Variants in DLGAP2 observed in about 807,000 individuals in gnomAD.
DLGAP2 encodes the protein DLG associated protein 2.
A neutral mutation model predicts 100.3 loss-of-function variants in DLGAP2; 26 were observed. The observed-to-expected ratio is 0.26, with a 90% CI of 0.19 to 0.36. DLGAP2 has a LOEUF of 0.36. DLGAP2 is among the 10% of genes least tolerant of loss of function. The probability of loss-of-function intolerance (pLI) is 1.00; values close to 1 mark genes in which losing one functional copy is unlikely to be tolerated. For missense variants in DLGAP2, 1,858 were observed against 1,453.2 expected (o/e 1.28, Z -4.53); for synonymous variants, 886 against 630.1 (o/e 1.41, Z -6.08).
chr8:1,645,946 G>A lies in DLGAP2; in HGVS notation c.1810+12900G>A, dbSNP rs548025908. ...GCCTTGTCTTTCCCGTTCAGTTTGC[G>A]AATGGTTAGGTGATGTTTGCCATTG... On this transcript the variant is annotated intron_variant, in intron 8 of 14. Transcript: ENST00000637795. 1.5e-3 allele frequency among the ~76,000 whole-genome samples: 225 copies of A among 152,286 alleles called. 1 individual carries two copies. The highest frequency in any genetic ancestry group is 4.9e-3 in the African/African-American group (204 of 41,568).
chr8:1,298,371 C>T (rs977952505), intron 3 of DLGAP2, among the ~76,000 whole-genome samples: 31 of 152,308 alleles, frequency 2.0e-4, no homozygotes, highest in African/African-American at 4.8e-4. Context: ...ATGATGGCCC[C>T]GCACCTGGCA....
intron 2 of DLGAP2, among the ~76,000 whole-genome samples, chr8:1,179,835 C>T (rs559570413): frequency 1.3e-5 from 2 of 152,028 alleles, no homozygotes; most frequent in Non-Finnish European, 2.9e-5. Context: ...CCAGTGATTG[C>T]TAAGAATAGA....
intron 2 of DLGAP2, among the ~76,000 whole-genome samples, chr8:985,844 A>G (rs1402866027): frequency 6.6e-6 from 1 of 152,148 alleles, no homozygotes; most frequent in Non-Finnish European, 1.5e-5. Context: ...CAGGCACAGG[A>G]GCTGCCCATT....
At chr8:1,309,399 A>T (rs57053327) in intron 3 of DLGAP2, among the ~76,000 whole-genome samples, 1,918 of 152,298 alleles carry the variant, frequency 0.013, 49 homozygotes, top group African/African-American at 0.044. Context: ...ATTTTCCAGA[A>T]AAAGCTTATC....
intron 2 of DLGAP2, among the ~76,000 whole-genome samples, chr8:1,089,587 G>A (rs1804104254): frequency 6.6e-6 from 1 of 152,226 alleles, no homozygotes; most frequent in Non-Finnish European, 1.5e-5. Context: ...GAGGCCCACT[G>A]CTCAGAGTTG....
chr8:1,534,306 T>A (rs1480085080), intron 4 of DLGAP2, among the ~76,000 whole-genome samples: 1 of 152,224 alleles, frequency 6.6e-6, no homozygotes, highest in East Asian at 1.9e-4. Context: ...TATGACCTTT[T>A]GGCTTCAGGA....
chr8:1,531,241 CGTGTGTGTGTGT>C (rs58738870), intron 4 of DLGAP2, among the ~76,000 whole-genome samples: 19 of 143,332 alleles, frequency 1.3e-4, no homozygotes, highest in African/African-American at 3.8e-4. Flanking sequence ...AGAGCGTGTG[CGTGTGTGTGTGT>C]GTGTGTGTGT....
chr8:891,857 G>T (rs1798042364), intron 1 of DLGAP2, among the ~76,000 whole-genome samples: 1 of 152,198 alleles, frequency 6.6e-6, no homozygotes, highest in African/African-American at 2.4e-5. Flanking sequence ...GGAGGGGGAG[G>T]ACCTTGGGAG....
chr8:1,372,494 C>T (rs1048781999), intron 3 of DLGAP2, among the ~76,000 whole-genome samples: 3 of 152,184 alleles, frequency 2.0e-5, no homozygotes, highest in Admixed American at 6.5e-5. Flanking sequence ...GCTCTCCTGA[C>T]GTCCGGGCTG....
chr8:1,275,299 A>G (rs940616782), intron 3 of DLGAP2, among the ~76,000 whole-genome samples: 1 of 151,932 alleles, frequency 6.6e-6, no homozygotes, highest in Non-Finnish European at 1.5e-5. Flanking sequence ...GTAGCTTACT[A>G]GATGCCCACA....
At position 1,481,574 on chromosome 8, in the gene DLGAP2, G is replaced by T. The variant is rs527459718; in HGVS notation, c.107-19792G>T. 6.8e-4 allele frequency among the ~76,000 whole-genome samples: 95 copies of T among 140,358 alleles called. 1 individual carries two copies. The highest frequency in any genetic ancestry group is 2.4e-3 in the African/African-American group (91 of 38,044). The allele number at this position is 140,358 out of a possible 152,430, so 92.1% of individuals were successfully genotyped here. A position where few individuals can be genotyped will look rare whatever the true frequency, so the allele number is the denominator to read the frequency against. ...GATCACTGCAACCTCCAGCTCCCAG[G>T]TTGAAGTGATTCTACTGCCTCAGCC... On this transcript the variant is annotated intron_variant, in intron 3 of 14. Transcript: ENST00000637795.
chr8:802,732 C>G (rs1045176238), intron 1 of DLGAP2, among the ~76,000 whole-genome samples: 18 of 152,082 alleles, frequency 1.2e-4, no homozygotes, highest in South Asian at 2.1e-4. Context: ...TTCTGTAGGC[C>G]GTGGTCTCTC....
rs62489192 is a variant in DLGAP2, at chr8:1,255,348, T to C, written c.74-3503T>C. On this transcript the variant is annotated intron_variant, in intron 2 of 14. Coordinates refer to ENST00000637795, the MANE Select transcript of DLGAP2 (RefSeq NM_001346810.2). ...TGTGTGTGTGCCCTCTCATCCTGCC[T>C]GGGTGCTGTGTGTGTGCCCTCTCAT... Among the ~76,000 whole-genome samples the C allele has an allele frequency of 4.6e-3, 343 of 73,806 alleles. 8 individuals carry two copies. The highest frequency in any genetic ancestry group is 0.012 in the African/African-American group (142 of 11,722). The allele number at this position is 73,806 out of a possible 152,430, so 48.4% of individuals were successfully genotyped here.
At chr8:1,584,206 A>G (rs1012463060) in intron 6 of DLGAP2, among the ~76,000 whole-genome samples, 1 of 152,186 alleles carries the variant, frequency 6.6e-6, no homozygotes, top group Non-Finnish European at 1.5e-5. Flanking sequence ...GTCAGGGATT[A>G]TTGATAATCA....
chr8:1,472,852 A>G (rs1162130091), intron 3 of DLGAP2, among the ~76,000 whole-genome samples: 2 of 152,254 alleles, frequency 1.3e-5, no homozygotes, highest in Admixed American at 6.5e-5. Flanking sequence ...AAAGTTAAGC[A>G]TATACTTTTC....
chr8:896,437 A>C (rs940160927), intron 1 of DLGAP2, among the ~76,000 whole-genome samples: 2 of 151,670 alleles, frequency 1.3e-5, no homozygotes, highest in African/African-American at 2.4e-5. Context: ...GGTGGTGGGG[A>C]GATGATGTAT....
intron 1 of DLGAP2, among the ~76,000 whole-genome samples, chr8:780,878 C>T (rs1449064427): frequency 6.6e-6 from 1 of 152,170 alleles, no homozygotes; most frequent in Non-Finnish European, 1.5e-5. Flanking sequence ...AAAGGAATCC[C>T]CCTGTACCAG....
chr8:965,798 C>G (rs558790272), intron 2 of DLGAP2, among the ~76,000 whole-genome samples: 2 of 149,162 alleles, frequency 1.3e-5, no homozygotes, highest in Non-Finnish European at 3.0e-5. Flanking sequence ...CCACACAGGG[C>G]TCCTGAGTCT....
At chr8:1,159,222 G>A (rs1318259684) in intron 2 of DLGAP2, among the ~76,000 whole-genome samples, 1 of 152,194 alleles carries the variant, frequency 6.6e-6, no homozygotes, top group East Asian at 1.9e-4. Context: ...GTGAGCAATT[G>A]TTTTGGTTCT....
Sources: gnomAD v4.1 joint callset for allele counts (sites outside exome capture counted in the v4.1 genomes callset) on GRCh38, gnomAD v4.1.1 for gene constraint, MANE v1.5 for transcripts, NCBI Gene and HGNC (gene_info 2026-07-23, HGNC 2026-07-21) for gene names.